Variants in PKD1L1 observed in about 807,000 individuals in gnomAD.
The protein encoded by PKD1L1 is polycystin-1-like protein 1.
A neutral mutation model predicts 323.4 loss-of-function variants in PKD1L1; 236 were observed. The observed-to-expected ratio is 0.73, with a 90% CI of 0.66 to 0.81. PKD1L1 has a LOEUF of 0.81. Ranked by LOEUF, PKD1L1 falls within the 40% of genes least tolerant of loss-of-function variation. The pLI, the probability that PKD1L1 is intolerant of heterozygous loss-of-function variation, is 0.00. For missense variants in PKD1L1, 3,320 were observed against 3,508.0 expected (o/e 0.95, Z 1.35); for synonymous variants, 1,344 against 1,335.0 (o/e 1.01, Z -0.15).
intron 26 of PKD1L1, among the ~76,000 whole-genome samples, chr7:47,860,014 A>G (rs1785991943): frequency 6.6e-6 from 1 of 152,210 alleles, no homozygotes. Context: ...TCTATCACCC[A>G]ACTTTAACAA....
At chr7:47,910,322 C>T (rs1486952975) in intron 8 of PKD1L1, among the ~76,000 whole-genome samples, 2 of 151,004 alleles carry the variant, frequency 1.3e-5, no homozygotes, top group East Asian at 3.9e-4. Context: ...AAATCTTAGG[C>T]ATATCTTACT....
At chr7:47,911,362 G>T (rs1253126822) in intron 8 of PKD1L1, among the ~76,000 whole-genome samples, 2 of 152,210 alleles carry the variant, frequency 1.3e-5, no homozygotes, top group Non-Finnish European at 2.9e-5. Context: ...AAAACCTGCA[G>T]AACCGTGAGC....
chr7:47,913,956 A>T (rs1787375975), intron 8 of PKD1L1, among the ~76,000 whole-genome samples: 1 of 152,222 alleles, frequency 6.6e-6, no homozygotes, highest in Admixed American at 6.5e-5. Context: ...ATTGCTGGAA[A>T]TCAAAAGACA....
intron 52 of PKD1L1, among the ~76,000 whole-genome samples, chr7:47,805,871 G>A (rs1274279088): frequency 6.6e-6 from 1 of 152,162 alleles, no homozygotes; most frequent in African/African-American, 2.4e-5. Context: ...TAGATGGTTG[G>A]ATAGCTCAAC....
At chr7:47,848,928 C>T (rs1339414404) in intron 31 of PKD1L1, among the ~76,000 whole-genome samples, 4 of 152,202 alleles carry the variant, frequency 2.6e-5, no homozygotes, top group Non-Finnish European at 1.5e-5. Flanking sequence ...GGAGGCATCA[C>T]ATTACCAGAC....
chr7:47,790,748 A>T (rs1221437017), intron 56 of PKD1L1, among the ~76,000 whole-genome samples: 4 of 146,796 alleles, frequency 2.7e-5, no homozygotes, highest in African/African-American at 5.0e-5. Context: ...TGTGTGTTTT[A>T]TTTTTTATTT....
chr7:47,833,954 C>T (rs1384669910), intron 40 of PKD1L1, among the ~76,000 whole-genome samples: 3 of 152,228 alleles, frequency 2.0e-5, no homozygotes, highest in Non-Finnish European at 4.4e-5. Flanking sequence ...TGGAGAAGCT[C>T]ACTGAGCAAT....
At chr7:47,803,412 C>G (rs1784709621) in intron 52 of PKD1L1, 68 bp from the exon 53 acceptor site, 2 of 1,566,470 alleles carry the variant, frequency 1.3e-6, no homozygotes, top group South Asian at 1.1e-5. Context: ...ATATTCACAG[C>G]TGTCAGTCAT....
chr7:47,835,371 A>G lies in PKD1L1; in HGVS notation c.5944-128T>C, dbSNP rs1785435924. 6.9e-6 allele frequency: 4 copies of G among 582,702 alleles called. No homozygotes were observed. The South Asian group carries it at 1.0e-4, about 15-fold the overall frequency. The allele number at this position is 582,702 out of a possible 1,614,324, so 36.1% of individuals were successfully genotyped here. A position where few individuals can be genotyped will look rare whatever the true frequency, so the allele number is the denominator to read the frequency against. ...TATATTTAATAAAAGTGCTCTCTTC[A>G]TGAATCATGAATTTTAAGTTACAAT... On this transcript the variant is annotated intron_variant, in intron 37 of 56. Transcript: ENST00000289672.
chr7:47,865,213 T>C lies in PKD1L1; in HGVS notation c.4149+3A>G, dbSNP rs1346983680. 6.2e-7 allele frequency: 1 copy of C among 1,611,182 alleles called. No homozygotes were observed. The highest frequency in any genetic ancestry group is 8.5e-7 in the Non-Finnish European group (1 of 1,178,284). The stretch of plus-strand genomic sequence containing the variant: ...AATATTTCTGGGAAAAAATTGCACT[T>C]ACCTTATTAGAGAAGCTCACGAGGT... On this transcript the variant is annotated splice_donor_region_variant and intron_variant, in intron 26 of 56. Transcript: ENST00000289672.
Position 47,835,029 on chromosome 7 carries a change from C to CCCGG in PKD1L1, c.6061_6064dup (p.Gly2022AlafsTer13). 6.2e-7 allele frequency: 1 copy of CCCGG among 1,613,788 alleles called. No individual in the cohort carries two copies. The highest frequency in any genetic ancestry group is 8.5e-7 in the Non-Finnish European group (1 of 1,179,836). ...GCTGTGTGGCTCCACTCGGGCAGAC[C>CCCGG]CCGGGGCTTCCTGCAGAAGGAAAGA... On this transcript the variant is annotated frameshift_variant, in exon 39 of 57. Coordinates refer to ENST00000289672, the MANE Select transcript of PKD1L1 (RefSeq NM_138295.5). LOFTEE classifies it high-confidence loss of function.
At chr7:47,943,006 C>T (rs1438926280) in intron 2 of PKD1L1, among the ~76,000 whole-genome samples, 5 of 151,742 alleles carry the variant, frequency 3.3e-5, no homozygotes, top group Admixed American at 6.6e-5. Context: ...ATTAGCTGGG[C>T]GTGGTGGCGG....
rs752419611 is a variant in PKD1L1, at chr7:47,796,150, G to A, written c.8194C>T (p.Leu2732=). Residue 2732 remains leucine, a splice_region_variant and synonymous_variant, in exon 55 of 57, where the codon CTG becomes TTG. Coordinates refer to ENST00000289672, the MANE Select transcript of PKD1L1 (RefSeq NM_138295.5). ...IVSATLCFGM[L]RGFLMTLPQK... ...GGTAAAGTCATGAGAAAACCTCTCA[G>A]CTAGGAAAAAGAAAAAAATAAAGAC... 3 of 1,579,760 alleles carry A rather than the reference G, an allele frequency of 1.9e-6. No individual in the cohort carries two copies. The highest frequency in any genetic ancestry group is 2.6e-6 in the Non-Finnish European group (3 of 1,167,740).
chr7:47,945,503 G>A (rs1441464584), intron 1 of PKD1L1, among the ~76,000 whole-genome samples: 1 of 152,140 alleles, frequency 6.6e-6, no homozygotes, highest in Admixed American at 6.5e-5. Flanking sequence ...GCCTCAAACT[G>A]TTGAATAATT....
intron 36 of PKD1L1, among the ~76,000 whole-genome samples, chr7:47,838,138 G>C (rs1222552753): frequency 6.6e-6 from 1 of 152,212 alleles, no homozygotes; most frequent in Non-Finnish European, 1.5e-5. Context: ...TGGACCTTCA[G>C]TTTTAGATGT....
chr7:47,864,028 T>G (rs118175240), intron 26 of PKD1L1, among the ~76,000 whole-genome samples: 1 of 152,158 alleles, frequency 6.6e-6, no homozygotes, highest in Non-Finnish European at 1.5e-5. Flanking sequence ...ATTCTAAGCA[T>G]GTGCAGGATC....
intron 56 of PKD1L1, among the ~76,000 whole-genome samples, chr7:47,781,237 AG>A (rs1786684755): frequency 6.6e-6 from 1 of 152,052 alleles, no homozygotes; most frequent in South Asian, 2.1e-4. Flanking sequence ...TTTTCTAATT[AG>A]ATTATTTACA....
Position 47,835,200 on chromosome 7 carries a change from C to G in PKD1L1, c.5987G>C (p.Gly1996Ala). The change falls in exon 38 of 57, where the codon GGT (glycine) becomes GCT (alanine). Residue 1996 changes from glycine to alanine, a missense_variant. Coordinates refer to ENST00000289672, the MANE Select transcript of PKD1L1 (RefSeq NM_138295.5). Reference protein sequence around the residue: ...VSPTLGSFRVGLLCTLLASPG... With the variant: ...VSPTLGSFRVALLCTLLASPG... ...AGAAGCCAGGAGGGTACACAGGAGA[C>G]CCACCCTGAAGGATCCAAGGGTGGG... The G allele has an allele frequency of 3.1e-6, 5 of 1,590,118 alleles. No homozygotes were observed. The highest frequency in any genetic ancestry group is 1.7e-4 in the Middle Eastern group (1 of 5,952).
At chr7:47,896,329 C>CAA (rs34061319) in intron 14 of PKD1L1, among the ~76,000 whole-genome samples, 5,764 of 45,902 alleles carry the variant, frequency 0.13, 842 homozygotes, top group African/African-American at 0.35. Flanking sequence ...GACCCTGTCT[C>CAA]AAAAAAAAAA....
Sources: allele counts gnomAD v4.1 joint callset (sites outside exome capture counted in the v4.1 genomes callset), GRCh38; gene constraint gnomAD v4.1.1; transcripts MANE v1.5; gene names NCBI Gene and HGNC (gene_info 2026-07-23, HGNC 2026-07-21).